RBMS3: variants seen among roughly 807,000 people sequenced by gnomAD.
The protein encoded by RBMS3 is RNA binding motif single stranded interacting protein 3, also known as RNA-binding motif, single-stranded-interacting protein 3.
In RBMS3, 27 loss-of-function variants were observed where a neutral mutation model predicts 66.8. The ratio of observed to expected loss-of-function variants is 0.40; its 90% CI spans 0.30 to 0.56. The LOEUF is 0.56. RBMS3 is among the 20% of genes least tolerant of loss of function. The pLI is 0.40. For missense variants in RBMS3, 513 were observed against 549.5 expected (o/e 0.93, Z 0.66); for synonymous variants, 188 against 183.0 (o/e 1.03, Z -0.22).
intron 5 of RBMS3, among the ~76,000 whole-genome samples, chr3:29,748,481 C>G (rs1423205746): frequency 8.7e-6 from 1 of 114,346 alleles, no homozygotes; most frequent in Non-Finnish European, 1.8e-5. Context: ...AAAAAAGAAG[C>G]AGTTTTTAAG....
chr3:29,773,818 TTC>T (rs2056317903), intron 6 of RBMS3, among the ~76,000 whole-genome samples: 1 of 152,070 alleles, frequency 6.6e-6, no homozygotes, highest in Non-Finnish European at 1.5e-5. Flanking sequence ...GTTCTTCTGC[TTC>T]TGATGAGAAT....
chr3:29,457,243 C>G (rs139029035), intron 2 of RBMS3, among the ~76,000 whole-genome samples: 325 of 152,278 alleles, frequency 2.1e-3, no homozygotes, highest in East Asian at 0.011. Context: ...TTGTTCATCC[C>G]TTTCTCCTCA....
intron 6 of RBMS3, among the ~76,000 whole-genome samples, chr3:29,780,224 G>C (rs2056580927): frequency 6.6e-6 from 1 of 151,692 alleles, no homozygotes. Flanking sequence ...ATATGCCCCT[G>C]AGCGCTTTGA....
intron 3 of RBMS3, among the ~76,000 whole-genome samples, chr3:29,543,447 G>A (rs140079559): frequency 1.3e-5 from 2 of 152,104 alleles, no homozygotes; most frequent in East Asian, 1.9e-4. Flanking sequence ...GGTGGCTAAC[G>A]CCTGTAATCC....
chr3:29,833,068 T>C (rs2058416041), intron 6 of RBMS3, among the ~76,000 whole-genome samples: 1 of 152,062 alleles, frequency 6.6e-6, no homozygotes, highest in Non-Finnish European at 1.5e-5. Context: ...GCATACAGTC[T>C]TAAGAATTCC....
chr3:29,468,344 T>A (rs916790241), intron 2 of RBMS3, among the ~76,000 whole-genome samples: 1 of 152,170 alleles, frequency 6.6e-6, no homozygotes, highest in African/African-American at 2.4e-5. Flanking sequence ...GACTTAAGCT[T>A]GTTTAGATAA....
chr3:29,867,767 G>A (rs2059396271), intron 6 of RBMS3, among the ~76,000 whole-genome samples: 1 of 151,388 alleles, frequency 6.6e-6, no homozygotes, highest in Admixed American at 6.6e-5. Context: ...CAAGGACACA[G>A]GAATTGGTCA....
At chr3:29,743,749 TTTA>T (rs927672972) in intron 5 of RBMS3, among the ~76,000 whole-genome samples, 1 of 151,808 alleles carries the variant, frequency 6.6e-6, no homozygotes, top group African/African-American at 2.4e-5. Context: ...TTTTTTAAAT[TTTA>T]TTATTATTAT....
chr3:29,483,492 C>A (rs2043216402), intron 2 of RBMS3, among the ~76,000 whole-genome samples: 1 of 152,028 alleles, frequency 6.6e-6, no homozygotes, highest in South Asian at 2.1e-4. Context: ...CTCTCCAGGC[C>A]CACCTCTTTA....
At chr3:29,684,632 A>G (rs1559566916) in intron 4 of RBMS3, among the ~76,000 whole-genome samples, 2 of 152,180 alleles carry the variant, frequency 1.3e-5, no homozygotes, top group Admixed American at 6.5e-5. Flanking sequence ...AATTTTCCTT[A>G]TAAGTCCTTG....
chr3:29,286,713 AG>A (rs1191073883), intron 1 of RBMS3, among the ~76,000 whole-genome samples: 1 of 152,118 alleles, frequency 6.6e-6, no homozygotes, highest in East Asian at 1.9e-4. Context: ...AATTCTGGAA[AG>A]CTTCATTTTT....
Position 30,005,774 on chromosome 3 carries a change from A to G in RBMS3, c.*1912A>G, listed in dbSNP as rs972844934. 1.3e-5 allele frequency: 2 copies of G among 151,860 alleles called. No individual in the cohort carries two copies. Among genetic ancestry groups the G allele is most frequent in the African/African-American group, 4.8e-5 (2 of 41,422 alleles). The allele number at this position is 151,860 out of a possible 1,614,324, so 9.4% of individuals were successfully genotyped here. ...TTAATTCTTTGAGGCATGTAGGACCAATAAGATTGAGAATTCTATTGGTGG... is the reference window on the plus strand; with the variant it reads ...TTAATTCTTTGAGGCATGTAGGACCGATAAGATTGAGAATTCTATTGGTGG... On this transcript the variant is annotated 3_prime_UTR_variant, in exon 15 of 15. Coordinates refer to ENST00000383767, the MANE Select transcript of RBMS3 (RefSeq NM_001003793.3).
intron 10 of RBMS3, among the ~76,000 whole-genome samples, chr3:29,915,392 A>G (rs1327008058): frequency 6.6e-6 from 1 of 151,890 alleles, no homozygotes; most frequent in Non-Finnish European, 1.5e-5. Context: ...GGGGGATGTG[A>G]GAGCTAAATT....
At chr3:29,836,245 G>A (rs2058505117) in intron 6 of RBMS3, among the ~76,000 whole-genome samples, 3 of 152,040 alleles carry the variant, frequency 2.0e-5, no homozygotes, top group Non-Finnish European at 4.4e-5. Context: ...AGAGGATGAT[G>A]TATGTCCAAA....
chr3:29,548,849 CA>C lies in RBMS3; in HGVS notation c.308-38263del, dbSNP rs1303902554. 2.0e-4 allele frequency among the ~76,000 whole-genome samples: 30 copies of C among 151,938 alleles called. No individual in the cohort carries two copies. The East Asian group carries it at 5.1e-3, about 26-fold the overall frequency. ...TCTACCACCAAGAATATAGAAAAAA[CA>C]ATATGCCAAGCTTAAGAAAGAGAAT... On this transcript the variant is annotated intron_variant, in intron 3 of 14. Transcript: ENST00000383767.
rs1699874556 is a variant in RBMS3, at chr3:30,008,719, C to T, written c.*4857C>T. 1 of 152,062 alleles carries T rather than the reference C, an allele frequency of 6.6e-6. No homozygotes were observed. Among genetic ancestry groups the T allele is most frequent in the African/African-American group, 2.4e-5 (1 of 41,418 alleles). The allele number at this position is 152,062 out of a possible 1,614,324, so 9.4% of individuals were successfully genotyped here. On this transcript the variant is annotated 3_prime_UTR_variant, in exon 15 of 15. Transcript: ENST00000383767. Reference sequence around the variant, plus strand: ...ATCAATTTGTTTTACAAATGACATCCACTGTGGCATTGGAAGACAGTTGGG... The same window carrying T: ...ATCAATTTGTTTTACAAATGACATCTACTGTGGCATTGGAAGACAGTTGGG...
chr3:29,896,622 G>A (rs1427978965), intron 8 of RBMS3, among the ~76,000 whole-genome samples: 1 of 151,670 alleles, frequency 6.6e-6, no homozygotes, highest in African/African-American at 2.4e-5. Flanking sequence ...CTACAGTATA[G>A]TCTGAGCAGA....
intron 6 of RBMS3, among the ~76,000 whole-genome samples, chr3:29,809,685 T>A (rs935371386): frequency 2.6e-5 from 4 of 151,730 alleles, no homozygotes; most frequent in African/African-American, 9.7e-5. Flanking sequence ...TCTCACAGAT[T>A]TTTTTTTAGG....
At chr3:29,627,253 C>T (rs1449846795) in intron 4 of RBMS3, among the ~76,000 whole-genome samples, 2 of 150,374 alleles carry the variant, frequency 1.3e-5, no homozygotes, top group Non-Finnish European at 2.9e-5. Flanking sequence ...AAGTGAGTAT[C>T]TCTGTCTCTC....
Sources: allele counts gnomAD v4.1 joint callset (sites outside exome capture counted in the v4.1 genomes callset), GRCh38; gene constraint gnomAD v4.1.1; transcripts MANE v1.5; gene names NCBI Gene and HGNC (gene_info 2026-07-23, HGNC 2026-07-21).